Variants in CDH13 observed in about 807,000 individuals in gnomAD.
CDH13 encodes the protein cadherin 13.
Under a neutral mutation model 63.8 loss-of-function variants are expected in CDH13, and 24 were observed. That is an observed-to-expected ratio of 0.38 (90% confidence interval 0.27 to 0.53). CDH13 has a LOEUF of 0.53. Among genes scored for constraint, CDH13 ranks in the 20% least tolerant of loss-of-function variants. CDH13 has a pLI of 0.85. For missense variants in CDH13, 1,049 were observed against 903.1 expected (o/e 1.16, Z -2.07); for synonymous variants, 503 against 355.3 (o/e 1.42, Z -4.67).
At chr16:82,709,293 T>A (rs1015867062) in intron 1 of CDH13, among the ~76,000 whole-genome samples, 2 of 152,230 alleles carry the variant, frequency 1.3e-5, no homozygotes, top group African/African-American at 4.8e-5. Context: ...AAAAAAATTC[T>A]GAACTTGCAA....
chr16:83,771,154 C>T (rs1406865383), intron 11 of CDH13, among the ~76,000 whole-genome samples: 1 of 152,082 alleles, frequency 6.6e-6, no homozygotes, highest in Non-Finnish European at 1.5e-5. Context: ...GTGCTCGATT[C>T]CTCTACGTAA....
intron 3 of CDH13, among the ~76,000 whole-genome samples, chr16:83,059,450 A>T (rs74030380): frequency 0.012 from 1,826 of 152,218 alleles, 34 homozygotes; most frequent in African/African-American, 0.042. Flanking sequence ...CTCAAAAAGA[A>T]CTGTCCAGTG....
chr16:83,604,292 C>T (rs1313817944), intron 8 of CDH13, among the ~76,000 whole-genome samples: 1 of 152,144 alleles, frequency 6.6e-6, no homozygotes, highest in African/African-American at 2.4e-5. Flanking sequence ...GGCAGGGTTC[C>T]TCTAGCTGCT....
chr16:83,398,117 C>G (rs527345142), intron 6 of CDH13: 1 of 152,212 alleles, frequency 6.6e-6, no homozygotes, highest in Non-Finnish European at 1.5e-5. Flanking sequence ...TGTTTAAGTA[C>G]TCATTGCTAG....
At chr16:82,661,603 G>T (rs927592979) in intron 1 of CDH13, among the ~76,000 whole-genome samples, 1 of 152,218 alleles carries the variant, frequency 6.6e-6, no homozygotes, top group Non-Finnish European at 1.5e-5. Context: ...ATTTCAGGGA[G>T]CCTGTGCAAC....
At position 83,345,018 on chromosome 16, in the gene CDH13, T is replaced by C. The variant is rs757167252; in HGVS notation, c.781+12T>C. ...AGGGTCACCCACAGGTATGTCACAT[T>C]GGCTTACCTTTAGCGTAATGGCTTG... On this transcript the variant is annotated intron_variant, in intron 6 of 13. Coordinates refer to ENST00000567109, the MANE Select transcript of CDH13 (RefSeq NM_001257.5). The C allele has an allele frequency of 1.6e-5, 26 of 1,613,040 alleles. No homozygotes were observed. Among genetic ancestry groups the C allele is most frequent in the Middle Eastern group, 3.3e-4 (2 of 6,074 alleles).
At chr16:82,887,573 C>T (rs370826230) in intron 2 of CDH13, among the ~76,000 whole-genome samples, 16 of 152,264 alleles carry the variant, frequency 1.1e-4, no homozygotes, top group African/African-American at 2.4e-4. Flanking sequence ...GTAATCCCAG[C>T]GCTTTGGGAG....
At chr16:83,362,935 A>T (rs1294018054) in intron 6 of CDH13, among the ~76,000 whole-genome samples, 1 of 152,186 alleles carries the variant, frequency 6.6e-6, no homozygotes, top group Non-Finnish European at 1.5e-5. Context: ...GCACGTTAAG[A>T]AGCTGCTCTA....
intron 6 of CDH13, among the ~76,000 whole-genome samples, chr16:83,446,730 T>G (rs562143035): frequency 3.3e-5 from 5 of 152,268 alleles, no homozygotes; most frequent in Non-Finnish European, 5.9e-5. Flanking sequence ...TTATCTAGTC[T>G]GCTACAACAT....
intron 8 of CDH13, among the ~76,000 whole-genome samples, chr16:83,625,105 C>T (rs1486466241): frequency 3.3e-5 from 5 of 152,078 alleles, no homozygotes; most frequent in Non-Finnish European, 7.4e-5. Context: ...AAACATTTAC[C>T]AGCACAATAC....
chr16:83,291,075 T>C (rs1468472205), intron 5 of CDH13, among the ~76,000 whole-genome samples: 1 of 152,192 alleles, frequency 6.6e-6, no homozygotes, highest in African/African-American at 2.4e-5. Flanking sequence ...GGTCTATTTC[T>C]CTATGAGACT....
intron 4 of CDH13, among the ~76,000 whole-genome samples, chr16:83,163,889 A>G (rs2037552166): frequency 6.6e-6 from 1 of 152,126 alleles, no homozygotes; most frequent in Admixed American, 6.6e-5. Flanking sequence ...CTAACCAATA[A>G]AACCTCGTCG....
intron 1 of CDH13, among the ~76,000 whole-genome samples, chr16:82,790,403 C>G (rs1306599939): frequency 6.6e-6 from 1 of 152,048 alleles, no homozygotes; most frequent in Non-Finnish European, 1.5e-5. Context: ...CCACTGCACT[C>G]CAGCCTGGGT....
intron 3 of CDH13, among the ~76,000 whole-genome samples, chr16:83,038,549 C>T (rs2151484252): frequency 6.6e-6 from 1 of 152,308 alleles, no homozygotes; most frequent in South Asian, 2.1e-4. Context: ...ACTTGACACA[C>T]CAAGTTATGT....
At chr16:83,371,778 G>T (rs892567093) in intron 6 of CDH13, among the ~76,000 whole-genome samples, 1 of 152,174 alleles carries the variant, frequency 6.6e-6, no homozygotes, top group African/African-American at 2.4e-5. Context: ...AGAGTGGATA[G>T]TACCCCTGAA....
intron 1 of CDH13, among the ~76,000 whole-genome samples, chr16:82,779,935 G>T (rs1035339436): frequency 6.6e-6 from 1 of 152,166 alleles, no homozygotes; most frequent in African/African-American, 2.4e-5. Flanking sequence ...ATCTGCACAT[G>T]TGTATCATGT....
chr16:83,707,764 G>T (rs893625572), intron 10 of CDH13, among the ~76,000 whole-genome samples: 4 of 131,644 alleles, frequency 3.0e-5, no homozygotes. Context: ...GAGGGAAGGA[G>T]AAAGAGTGAG....
chr16:83,652,019 T>C (rs1912428785), intron 8 of CDH13, among the ~76,000 whole-genome samples: 1 of 152,196 alleles, frequency 6.6e-6, no homozygotes, highest in South Asian at 2.1e-4. Context: ...TTAATCCTCC[T>C]TATCTCATTG....
intron 2 of CDH13, among the ~76,000 whole-genome samples, chr16:82,914,426 T>A (rs7197619): frequency 3.9e-5 from 6 of 152,018 alleles, no homozygotes; most frequent in Admixed American, 6.5e-5. Context: ...TTCTATTGTC[T>A]CATGACTAGT....
Sources: allele counts gnomAD v4.1 joint callset (sites outside exome capture counted in the v4.1 genomes callset), GRCh38; gene constraint gnomAD v4.1.1; transcripts MANE v1.5; gene names NCBI Gene and HGNC (gene_info 2026-07-23, HGNC 2026-07-21).